Variants in DYNC2I1 observed in about 807,000 individuals in gnomAD.
The protein encoded by DYNC2I1 is dynein 2 intermediate chain 1.
DYNC2I1 carries 89 observed loss-of-function variants against 133.4 expected under a neutral mutation model. The ratio of observed to expected loss-of-function variants is 0.67; its 90% CI spans 0.56 to 0.80. DYNC2I1 has a LOEUF of 0.80. Ranked by LOEUF, DYNC2I1 falls within the 30% of genes least tolerant of loss-of-function variation. DYNC2I1 has a pLI of 0.00. For synonymous variants in DYNC2I1, 504 were observed against 484.3 expected (o/e 1.04, Z -0.54); for missense variants, 1,291 against 1,314.5 (o/e 0.98, Z 0.28).
intron 14 of DYNC2I1, among the ~76,000 whole-genome samples, chr7:158,917,889 C>T (rs1848633870): frequency 6.6e-6 from 1 of 152,210 alleles, no homozygotes; most frequent in South Asian, 2.1e-4. Context: ...CTTTCTCACA[C>T]GAATCCTATC....
chr7:158,958,686 ACTC>A (rs1852260405), downstream of DYNC2I1, among the ~76,000 whole-genome samples: 1 of 151,792 alleles, frequency 6.6e-6, no homozygotes, highest in Non-Finnish European at 1.5e-5. Flanking sequence ...TACAGACAAA[ACTC>A]CTCCTATAAC....
chr7:158,883,222 T>G (rs1413611005), intron 5 of DYNC2I1, among the ~76,000 whole-genome samples: 1 of 149,728 alleles, frequency 6.7e-6, no homozygotes, highest in African/African-American at 2.4e-5. Flanking sequence ...CTTCTTCTTT[T>G]TTTTTTTTTT....
At chr7:158,869,400 C>A (rs1384696038) in intron 1 of DYNC2I1, 2 of 468,042 alleles carry the variant, frequency 4.3e-6, no homozygotes, top group African/African-American at 2.0e-5. Flanking sequence ...AACCCATTGT[C>A]CTGGGAGGCC....
At chr7:158,922,281 G>T in intron 15 of DYNC2I1, 96 bp from the exon 16 acceptor site, 2 of 1,289,668 alleles carry the variant, frequency 1.6e-6, no homozygotes, top group East Asian at 4.7e-5. Flanking sequence ...GTTTCTTCAT[G>T]AAGCTGAATT....
intron 12 of DYNC2I1, among the ~76,000 whole-genome samples, chr7:158,912,233 G>A (rs1395093362): frequency 6.6e-6 from 1 of 152,130 alleles, no homozygotes; most frequent in East Asian, 1.9e-4. Flanking sequence ...GTACTTCCCT[G>A]TAGTATTTCC....
chr7:158,931,505 C>T (rs1371414592), intron 21 of DYNC2I1, among the ~76,000 whole-genome samples: 1 of 152,204 alleles, frequency 6.6e-6, no homozygotes, highest in Non-Finnish European at 1.5e-5. Flanking sequence ...AAGCCCCTGA[C>T]CCCTCCAGCC....
At chr7:158,949,114 C>T (rs765707998), downstream of DYNC2I1, among the ~76,000 whole-genome samples, 4 of 151,990 alleles carry the variant, frequency 2.6e-5, no homozygotes, top group Non-Finnish European at 5.9e-5. Context: ...CTGCCCTGGG[C>T]GACAGCACCA....
At chr7:158,895,561 C>T (rs1159442339) in intron 8 of DYNC2I1, among the ~76,000 whole-genome samples, 1 of 152,214 alleles carries the variant, frequency 6.6e-6, no homozygotes, top group Non-Finnish European at 1.5e-5. Flanking sequence ...TGGGTCTTGA[C>T]ATCAGGTCAT....
At chr7:158,896,170 C>T (rs980044104) in intron 8 of DYNC2I1, among the ~76,000 whole-genome samples, 1 of 152,148 alleles carries the variant, frequency 6.6e-6, no homozygotes, top group African/African-American at 2.4e-5. Flanking sequence ...TCTTTGTTTT[C>T]AATCTTAGTG....
chr7:158,906,191 A>G (rs1046519233), intron 11 of DYNC2I1, 100 bp downstream of exon 11: 40 of 1,043,790 alleles, frequency 3.8e-5, no homozygotes, highest in Non-Finnish European at 5.4e-5. Flanking sequence ...CATTTTTACT[A>G]CTGTTTTTTG....
At chr7:158,841,198 TATATATATATATATATA>T in the DYNC2I1 span, among the ~76,000 whole-genome samples, 5 of 73,708 alleles carry the variant, frequency 6.8e-5, no homozygotes, top group Non-Finnish European at 1.2e-4. Context: ...TATATATATA[TATATATATATATATATA>T]TATATATTTT....
chr7:158,913,559 T>G (rs115871373), intron 13 of DYNC2I1, among the ~76,000 whole-genome samples: 3,739 of 152,302 alleles, frequency 0.025, 157 homozygotes, highest in African/African-American at 0.085. Flanking sequence ...CTGGAGCGAT[T>G]TACATGTTGA....
At chr7:158,919,928 G>A (rs1267121670) in intron 15 of DYNC2I1, among the ~76,000 whole-genome samples, 5 of 152,260 alleles carry the variant, frequency 3.3e-5, no homozygotes, top group Non-Finnish European at 5.9e-5. Flanking sequence ...GCATGAGAGC[G>A]GCAGTGGTGC....
Position 158,884,325 on chromosome 7 carries a change from G to A in DYNC2I1, c.880-239G>A, listed in dbSNP as rs190539814. ...CTCCCAAAGTGCTGGGATCACAGGC[G>A]TGAGCCACCGTGCCCAGCATAATCA... On this transcript the variant is annotated intron_variant, in intron 5 of 24. Transcript: ENST00000407559. 6.8e-3 allele frequency among the ~76,000 whole-genome samples: 1,041 copies of A among 152,300 alleles called. 9 individuals are homozygous for A. Among genetic ancestry groups the A allele is most frequent in the African/African-American group, 0.024 (982 of 41,562 alleles).
chr7:158,934,654 C>A, intron 23 of DYNC2I1, 105 bp downstream of exon 23: 1 of 1,235,246 alleles, frequency 8.1e-7, no homozygotes, highest in Non-Finnish European at 1.1e-6. Context: ...GGTCATAGCT[C>A]ACTGCAGCCT....
chr7:158,852,735 G>A (rs954997002), upstream of DYNC2I1, among the ~76,000 whole-genome samples: 2 of 151,978 alleles, frequency 1.3e-5, no homozygotes, highest in Admixed American at 6.6e-5. Flanking sequence ...GCGAGACTTC[G>A]TCTCAAAAAA....
chr7:158,909,071 C>CT (rs1014823841), intron 11 of DYNC2I1, among the ~76,000 whole-genome samples: 105 of 152,154 alleles, frequency 6.9e-4, no homozygotes, highest in African/African-American at 2.5e-3. Flanking sequence ...TGGCTCATGC[C>CT]TGTAATCCCA....
At chr7:158,957,621 A>G (rs1164603488), downstream of DYNC2I1, among the ~76,000 whole-genome samples, 1 of 152,124 alleles carries the variant, frequency 6.6e-6, no homozygotes, top group African/African-American at 2.4e-5. Flanking sequence ...CAGCGATTCC[A>G]GCTGGGCTGC....
chr7:158,860,236 T>C (rs935135692), intron 1 of DYNC2I1, among the ~76,000 whole-genome samples: 2 of 152,074 alleles, frequency 1.3e-5, no homozygotes, highest in African/African-American at 4.8e-5. Context: ...TTTTTATATT[T>C]TTAGTAGAGA....
Sources: gnomAD v4.1 joint callset for allele counts (sites outside exome capture counted in the v4.1 genomes callset) on GRCh38, gnomAD v4.1.1 for gene constraint, MANE v1.5 for transcripts, NCBI Gene and HGNC (gene_info 2026-07-23, HGNC 2026-07-21) for gene names.